KDM4C: variants seen among roughly 807,000 people sequenced by gnomAD.
KDM4C encodes the protein lysine-specific demethylase 4C.
A neutral mutation model predicts 129.3 loss-of-function variants in KDM4C; 81 were observed. The ratio of observed to expected loss-of-function variants is 0.63; its 90% CI spans 0.52 to 0.75. The LOEUF is 0.75. KDM4C is among the 30% of genes least tolerant of loss of function. KDM4C has a pLI of 0.00. For missense variants in KDM4C, 1,457 were observed against 1,304.0 expected, an observed-to-expected ratio of 1.12 and a Z score of -1.81; for synonymous variants, 573 against 456.1, an observed-to-expected ratio of 1.26 and a Z score of -3.26.
At chr9:6,784,278 A>G (rs926287381) in intron 1 of KDM4C, among the ~76,000 whole-genome samples, 4 of 152,170 alleles carry the variant, frequency 2.6e-5, no homozygotes, top group African/African-American at 9.7e-5. Context: ...GAGGGATTAA[A>G]ATCCAGTTAT....
At chr9:6,863,502 A>G (rs1182317486) in intron 5 of KDM4C, among the ~76,000 whole-genome samples, 2 of 152,078 alleles carry the variant, frequency 1.3e-5, no homozygotes, top group Non-Finnish European at 2.9e-5. Flanking sequence ...ATCACATGGT[A>G]AGAGAGAGAA....
At chr9:7,036,816 C>G (rs1413287543) in intron 15 of KDM4C, among the ~76,000 whole-genome samples, 1 of 152,196 alleles carries the variant, frequency 6.6e-6, no homozygotes, top group African/African-American at 2.4e-5. Context: ...TTGTCATTCA[C>G]TGTGTTGCTC....
intron 17 of KDM4C, among the ~76,000 whole-genome samples, chr9:7,102,558 AG>A (rs1157644045): frequency 6.6e-6 from 1 of 152,166 alleles, no homozygotes; most frequent in Admixed American, 6.5e-5. Flanking sequence ...TGGTAGGCAG[AG>A]ATCAGAGTAA....
At chr9:6,935,586 T>A (rs568734101) in intron 8 of KDM4C, among the ~76,000 whole-genome samples, 72 of 148,530 alleles carry the variant, frequency 4.8e-4, no homozygotes, top group African/African-American at 1.7e-3. Flanking sequence ...CCCGGCTAAT[T>A]TTTTTTTTTT....
chr9:6,852,106 T>A (rs1253472648), intron 5 of KDM4C, among the ~76,000 whole-genome samples: 1 of 152,222 alleles, frequency 6.6e-6, no homozygotes, highest in Admixed American at 6.5e-5. Context: ...GAGAGTGTTA[T>A]AAATGCCCCT....
At chr9:6,817,749 C>G (rs1405888122) in intron 4 of KDM4C, among the ~76,000 whole-genome samples, 2 of 144,470 alleles carry the variant, frequency 1.4e-5, no homozygotes, top group Admixed American at 1.4e-4. Flanking sequence ...ATAAGGTTAT[C>G]AAACAGGAAT....
chr9:7,042,360 T>C (rs1048779989), intron 15 of KDM4C, among the ~76,000 whole-genome samples: 6 of 152,092 alleles, frequency 3.9e-5, no homozygotes, highest in Non-Finnish European at 7.4e-5. Flanking sequence ...GAGGTTATAT[T>C]GCGTAACATA....
At chr9:6,895,543 G>A (rs927445052) in intron 8 of KDM4C, among the ~76,000 whole-genome samples, 1 of 152,106 alleles carries the variant, frequency 6.6e-6, no homozygotes, top group East Asian at 1.9e-4. Context: ...ATCTTTGTTG[G>A]GGGTGCAGGA....
At chr9:7,094,389 C>T (rs1477074494) in intron 17 of KDM4C, among the ~76,000 whole-genome samples, 2 of 151,870 alleles carry the variant, frequency 1.3e-5, no homozygotes, top group Admixed American at 1.3e-4. Context: ...GGTACATGTG[C>T]ACAACAATGA....
At chr9:6,942,074 C>T (rs1024840069) in intron 8 of KDM4C, among the ~76,000 whole-genome samples, 4 of 152,120 alleles carry the variant, frequency 2.6e-5, no homozygotes, top group Non-Finnish European at 5.9e-5. Flanking sequence ...ATTGGTAGAG[C>T]AGTTATTGGT....
chr9:6,887,311 T>C (rs1307277914), intron 6 of KDM4C, among the ~76,000 whole-genome samples: 1 of 152,204 alleles, frequency 6.6e-6, no homozygotes, highest in African/African-American at 2.4e-5. Context: ...TGGCGTATAA[T>C]ATACTGTTGA....
rs12005617 is a variant in KDM4C, at chr9:6,824,348, T to C, written c.435+9603T>C. On this transcript the variant is annotated intron_variant, in intron 4 of 21. Transcript: ENST00000381309. Reference sequence around the variant, plus strand: ...ATTGGAAAAATAGCTGTGAAAAATATTGTGATCTGATAACAGACTGCAGCA... The same window carrying C: ...ATTGGAAAAATAGCTGTGAAAAATACTGTGATCTGATAACAGACTGCAGCA... Among the ~76,000 whole-genome samples, 888 of 152,246 alleles carry C rather than the reference T, an allele frequency of 5.8e-3. 10 individuals carry two copies. Among genetic ancestry groups the C allele is most frequent in the African/African-American group, 0.02 (848 of 41,546 alleles).
chr9:6,743,006 G>C (rs1817752601), intron 1 of KDM4C, among the ~76,000 whole-genome samples: 1 of 151,992 alleles, frequency 6.6e-6, no homozygotes, highest in Admixed American at 6.6e-5. Context: ...GCGAGGCTCA[G>C]TTTAAAAAAT....
rs1253695774 is a variant in KDM4C at position 7,046,733 on chromosome 9, C to A, written c.2260-129C>A. Reference sequence around the variant, plus strand: ...TCTTTTTGAACTTCTCAGAGATAGACCTTCATGTAATTCCTGATGGTTTTA... The same window carrying A: ...TCTTTTTGAACTTCTCAGAGATAGAACTTCATGTAATTCCTGATGGTTTTA... On this transcript the variant is annotated intron_variant, in intron 15 of 21. Coordinates refer to ENST00000381309, the MANE Select transcript of KDM4C (RefSeq NM_015061.6). The A allele has an allele frequency of 1.9e-5, 14 of 729,590 alleles. No homozygotes were observed. The South Asian group carries it at 2.4e-4, about 12-fold the overall frequency. The allele number at this position is 729,590 out of a possible 1,614,324, so 45.2% of individuals were successfully genotyped here.
At chr9:7,112,261 C>G (rs1162086488) in intron 18 of KDM4C, among the ~76,000 whole-genome samples, 2 of 152,130 alleles carry the variant, frequency 1.3e-5, no homozygotes, top group Non-Finnish European at 2.9e-5. Flanking sequence ...TAGGGGAGTT[C>G]TGCTTTATTC....
At chr9:6,769,012 A>G (rs1174210099) in intron 1 of KDM4C, among the ~76,000 whole-genome samples, 2 of 152,174 alleles carry the variant, frequency 1.3e-5, no homozygotes, top group African/African-American at 4.8e-5. Context: ...ACCTCAAATG[A>G]TCCACCCACC....
At chr9:6,906,899 A>G (rs889129872) in intron 8 of KDM4C, among the ~76,000 whole-genome samples, 15 of 152,232 alleles carry the variant, frequency 9.9e-5, no homozygotes, top group African/African-American at 3.6e-4. Context: ...ATTGCATAGT[A>G]TTGTTTATTT....
At chr9:6,989,407 G>A (rs893168819) in intron 11 of KDM4C, among the ~76,000 whole-genome samples, 34 of 151,936 alleles carry the variant, frequency 2.2e-4, no homozygotes, top group East Asian at 1.2e-3. Context: ...AAAATTTTGC[G>A]TTGTGCGAGC....
chr9:6,984,513 A>T, intron 10 of KDM4C, 109 bp downstream of exon 10: 1 of 721,494 alleles, frequency 1.4e-6, no homozygotes, highest in Non-Finnish European at 2.4e-6. Flanking sequence ...CACATAGCTT[A>T]ATCAGTAATC....
Sources: allele counts gnomAD v4.1 joint callset (sites outside exome capture counted in the v4.1 genomes callset), GRCh38; gene constraint gnomAD v4.1.1; transcripts MANE v1.5; gene names NCBI Gene and HGNC (gene_info 2026-07-23, HGNC 2026-07-21).